The following SAMD3 variants were observed in gnomAD, a reference collection of about 807,000 sequenced individuals.
SAMD3 encodes sterile alpha motif domain containing 3.
SAMD3 carries 63 observed loss-of-function variants against 58.5 expected under a neutral mutation model. The observed-to-expected ratio is 1.08, with a 90% confidence interval of 0.88 to 1.33. The LOEUF (loss-of-function observed/expected upper bound fraction) is 1.33. Ranked by LOEUF, SAMD3 falls within the 40% of genes most tolerant of loss-of-function variation. The probability of loss-of-function intolerance (pLI) is 0.00; values close to 1 mark genes in which losing one functional copy is unlikely to be tolerated. For missense variants in SAMD3, 604 were observed against 608.4 expected, an observed-to-expected ratio of 0.99 and a Z score of 0.08; for synonymous variants, 220 against 210.3, an observed-to-expected ratio of 1.05 and a Z score of -0.40.
intron 2 of SAMD3, among the ~76,000 whole-genome samples, chr6:130,274,674 CT>C (rs1342778887): frequency 6.6e-6 from 1 of 151,790 alleles, no homozygotes; most frequent in Non-Finnish European, 1.5e-5. Flanking sequence ...GGATTTTTCT[CT>C]GTGATGTGTT....
At chr6:130,179,097 A>T (rs1260786108) in intron 7 of SAMD3, among the ~76,000 whole-genome samples, 1 of 152,216 alleles carries the variant, frequency 6.6e-6, no homozygotes, top group Non-Finnish European at 1.5e-5. Flanking sequence ...GGTGGGAGGT[A>T]TTATAGCAAT....
intron 2 of SAMD3, among the ~76,000 whole-genome samples, chr6:130,268,516 T>C (rs1774441579): frequency 6.6e-6 from 1 of 152,158 alleles, no homozygotes; most frequent in Non-Finnish European, 1.5e-5. Flanking sequence ...ACTCACCCAC[T>C]CATACAGAGC....
chr6:130,272,216 T>A (rs1284692429), intron 2 of SAMD3, among the ~76,000 whole-genome samples: 1 of 152,242 alleles, frequency 6.6e-6, no homozygotes, highest in Non-Finnish European at 1.5e-5. Flanking sequence ...CTGACCATTA[T>A]CCCATCTCCA....
chr6:130,164,667 C>T (rs568469446), intron 8 of SAMD3, among the ~76,000 whole-genome samples: 1 of 152,008 alleles, frequency 6.6e-6, no homozygotes. Flanking sequence ...GACATGCCCA[C>T]CTTGGGTCCT....
At chr6:130,218,325 G>A (rs1796091162) in intron 1 of SAMD3, among the ~76,000 whole-genome samples, 1 of 152,202 alleles carries the variant, frequency 6.6e-6, no homozygotes, top group South Asian at 2.1e-4. Flanking sequence ...GTGAACTTCC[G>A]TGGCTCCACC....
chr6:130,194,479 A>G (rs1793888420), intron 5 of SAMD3, among the ~76,000 whole-genome samples: 1 of 152,196 alleles, frequency 6.6e-6, no homozygotes, highest in Non-Finnish European at 1.5e-5. Flanking sequence ...GTGTACAATA[A>G]TAGAAAAAAG....
At position 130,175,910 on chromosome 6, in the gene SAMD3, G is replaced by T. The variant is rs977552056; in HGVS notation, c.753C>A (p.His251Gln). ...GAGATTTCCTTGTCTGGCCTCTTCG[G>T]TGTCCAAATTTACACTTATTTCTAA... The part of the protein sequence containing the change: ...QVIRNKCKFG[H>Q]RRGQTRKSLA... Residue 251 changes from histidine to glutamine, a missense_variant, in exon 8 of 12, where the codon CAC (histidine) becomes CAA (glutamine). Coordinates refer to ENST00000439090, the MANE Select transcript of SAMD3 (RefSeq NM_001017373.4). 6.2e-7 allele frequency: 1 copy of T among 1,612,818 alleles called. No homozygotes were observed. The highest frequency in any genetic ancestry group is 2.2e-5 in the East Asian group (1 of 44,798).
chr6:130,312,923 G>A (rs1049768851), intron 2 of SAMD3: 1 of 152,152 alleles, frequency 6.6e-6, no homozygotes, highest in South Asian at 2.1e-4. Context: ...ACAAGTTGAT[G>A]GCAGTCTCGT....
rs148578115 is a variant in SAMD3 at position 130,230,344 on chromosome 6, C to T, written c.-187-7531G>A. On this transcript the variant is annotated intron_variant, in intron 2 of 13. Transcript: ENST00000368134. ...TTCATGCCCAGAACATGGTGGTCCACTGTCCTTAAAAGTAAGGCTAGGTTT... is the reference window on the plus strand; with the variant it reads ...TTCATGCCCAGAACATGGTGGTCCATTGTCCTTAAAAGTAAGGCTAGGTTT... Among the ~76,000 whole-genome samples the T allele has an allele frequency of 5.8e-4, 89 of 152,274 alleles. 1 individual carries two copies. The East Asian group carries it at 0.017, about 29-fold the overall frequency.
At chr6:130,236,282 G>A (rs1773143580) in intron 2 of SAMD3, among the ~76,000 whole-genome samples, 2 of 152,164 alleles carry the variant, frequency 1.3e-5, no homozygotes, top group Admixed American at 1.3e-4. Flanking sequence ...GTGCTATTTT[G>A]TTACACAGCA....
chr6:130,346,686 G>C (rs552161211), intron 1 of SAMD3, among the ~76,000 whole-genome samples: 1 of 152,320 alleles, frequency 6.6e-6, no homozygotes, highest in Admixed American at 6.5e-5. Flanking sequence ...CAGCAGAAAC[G>C]TCTGCAGACT....
intron 7 of SAMD3, among the ~76,000 whole-genome samples, chr6:130,179,146 T>C (rs1792027823): frequency 6.6e-6 from 1 of 152,192 alleles, no homozygotes; most frequent in Non-Finnish European, 1.5e-5. Flanking sequence ...ATTTCTTCTT[T>C]CTAGCCTCTC....
intron 9 of SAMD3, among the ~76,000 whole-genome samples, chr6:130,150,186 G>C (rs1192544303): frequency 6.6e-6 from 1 of 152,058 alleles, no homozygotes; most frequent in Non-Finnish European, 1.5e-5. Context: ...GGAATTTACT[G>C]GTCTTATCCT....
chr6:130,258,179 T>C (rs556458046), intron 2 of SAMD3, among the ~76,000 whole-genome samples: 5 of 152,180 alleles, frequency 3.3e-5, no homozygotes, highest in Admixed American at 6.5e-5. Context: ...TCTATTATGT[T>C]TGATATAAAT....
intron 2 of SAMD3, among the ~76,000 whole-genome samples, chr6:130,293,045 C>T (rs1775435226): frequency 6.6e-6 from 1 of 152,208 alleles, no homozygotes; most frequent in Non-Finnish European, 1.5e-5. Flanking sequence ...ATCTAAGTTA[C>T]TGCTTTCTCC....
chr6:130,254,459 G>T (rs1773858462), intron 2 of SAMD3, among the ~76,000 whole-genome samples: 1 of 151,966 alleles, frequency 6.6e-6, no homozygotes, highest in South Asian at 2.1e-4. Context: ...GCCTCCTAAA[G>T]TGCTGGTATT....
chr6:130,282,768 T>G (rs1775025070), intron 2 of SAMD3, among the ~76,000 whole-genome samples: 1 of 152,182 alleles, frequency 6.6e-6, no homozygotes, highest in South Asian at 2.1e-4. Flanking sequence ...AGGCTCAAGA[T>G]TCAAAATAAT....
At chr6:130,147,698 C>T (rs1181394440) in intron 9 of SAMD3, among the ~76,000 whole-genome samples, 1 of 152,154 alleles carries the variant, frequency 6.6e-6, no homozygotes, top group Non-Finnish European at 1.5e-5. Context: ...CTACACATTC[C>T]ATTCAAATTT....
chr6:130,211,068 C>T (rs151253844), intron 4 of SAMD3, among the ~76,000 whole-genome samples: 13 of 151,450 alleles, frequency 8.6e-5, no homozygotes, highest in Admixed American at 2.6e-4. Context: ...TGCAGTGAGC[C>T]GAGACAGCAC....
Sources: gnomAD v4.1 joint callset for allele counts (sites outside exome capture counted in the v4.1 genomes callset) on GRCh38, gnomAD v4.1.1 for gene constraint, MANE v1.5 for transcripts, NCBI Gene and HGNC (gene_info 2026-07-23, HGNC 2026-07-21) for gene names.